PACRG: variants seen among roughly 807,000 people sequenced by gnomAD.
PACRG encodes the protein parkin coregulated.
In PACRG, 29 loss-of-function variants were observed where a neutral mutation model predicts 29.7. The ratio of observed to expected loss-of-function variants is 0.98; its 90% confidence interval spans 0.73 to 1.33. The LOEUF is 1.33. Among genes scored for constraint, PACRG ranks in the 40% most tolerant of loss-of-function variants. The probability of loss-of-function intolerance (pLI) is 0.00; values close to 1 mark genes in which losing one functional copy is unlikely to be tolerated. For missense variants in PACRG, 279 were observed against 316.2 expected (o/e 0.88, Z 0.89); for synonymous variants, 116 against 118.7 (o/e 0.98, Z 0.15).
At chr6:162,903,881 T>G (rs1428021906) in intron 2 of PACRG, among the ~76,000 whole-genome samples, 1 of 152,174 alleles carries the variant, frequency 6.6e-6, no homozygotes, top group Non-Finnish European at 1.5e-5. Flanking sequence ...GTTGGGACAT[T>G]CCAGAGAAAC....
chr6:162,740,409 C>G (rs554837962), intron 1 of PACRG, among the ~76,000 whole-genome samples: 1 of 151,078 alleles, frequency 6.6e-6, no homozygotes, highest in Admixed American at 6.6e-5. Context: ...CTTCCGGGTT[C>G]ACGCCATTAT....
chr6:163,061,497 C>T (rs761235135), intron 2 of PACRG, among the ~76,000 whole-genome samples: 16 of 152,108 alleles, frequency 1.1e-4, no homozygotes, highest in South Asian at 4.2e-4. Flanking sequence ...GTCTCCGCTC[C>T]CAGAAGAAGC....
intron 4 of PACRG, among the ~76,000 whole-genome samples, chr6:163,284,704 G>A (rs1332095497): frequency 2.7e-5 from 4 of 149,998 alleles, no homozygotes; most frequent in South Asian, 2.2e-4. Flanking sequence ...CCCAACCCCC[G>A]CTCCCCGCCT....
chr6:163,116,975 A>C (rs1024414822), intron 4 of PACRG, among the ~76,000 whole-genome samples: 2 of 152,126 alleles, frequency 1.3e-5, no homozygotes, highest in African/African-American at 4.8e-5. Context: ...CAGGCTCTCC[A>C]TGCCTGTCCC....
intron 1 of PACRG, among the ~76,000 whole-genome samples, chr6:162,784,581 AAGAC>A (rs1234987348): frequency 1.3e-5 from 2 of 152,150 alleles, no homozygotes; most frequent in African/African-American, 2.4e-5. Context: ...CTGTTTTTCT[AAGAC>A]AGAAATGCAG....
In PACRG at chr6:163,203,040, G is replaced by A. The variant is rs112929211; in HGVS notation, c.614-111787G>A. Among the ~76,000 whole-genome samples, 361 of 152,242 alleles carry A rather than the reference G, an allele frequency of 2.4e-3. 3 individuals carry two copies. The highest frequency in any genetic ancestry group is 6.8e-3 in the Middle Eastern group (2 of 294). ...CTGCTTGCCACAGCTGCTAGTCAGG[G>A]AATAGGTACATCGGGCCGTTCCTCA... On this transcript the variant is annotated intron_variant, in intron 4 of 4. Transcript: ENST00000366888.
chr6:163,257,702 T>C (rs1379263148), intron 4 of PACRG, among the ~76,000 whole-genome samples: 1 of 152,236 alleles, frequency 6.6e-6, no homozygotes, highest in East Asian at 1.9e-4. Flanking sequence ...AACAGATAGA[T>C]TGATTGATGT....
intron 1 of PACRG, among the ~76,000 whole-genome samples, chr6:162,737,932 A>G (rs1780290082): frequency 1.3e-5 from 2 of 152,106 alleles, no homozygotes; most frequent in South Asian, 2.1e-4. Flanking sequence ...ACTGAATTGC[A>G]TGTATTTTAT....
intron 4 of PACRG, among the ~76,000 whole-genome samples, chr6:163,292,592 T>A (rs1490318504): frequency 6.8e-6 from 1 of 147,322 alleles, no homozygotes; most frequent in Non-Finnish European, 1.5e-5. Context: ...ATTTATTTAT[T>A]TATTTATTTA....
chr6:163,127,417 C>A (rs976289337), intron 4 of PACRG, among the ~76,000 whole-genome samples: 2 of 152,186 alleles, frequency 1.3e-5, no homozygotes, highest in Non-Finnish European at 2.9e-5. Flanking sequence ...GGAGAGAGAA[C>A]AAGCTGTAGC....
chr6:162,820,578 G>T (rs189376529), intron 2 of PACRG, among the ~76,000 whole-genome samples: 1 of 152,044 alleles, frequency 6.6e-6, no homozygotes, highest in Non-Finnish European at 1.5e-5. Context: ...ACAAGATTCC[G>T]TAATTTTGAG....
chr6:162,781,491 T>C (rs1784087506), intron 1 of PACRG, among the ~76,000 whole-genome samples: 2 of 152,066 alleles, frequency 1.3e-5, no homozygotes, highest in South Asian at 2.1e-4. Flanking sequence ...ATTTTTCTTA[T>C]TATTTTAATA....
intron 2 of PACRG, among the ~76,000 whole-genome samples, chr6:162,988,591 G>T (rs540809568): frequency 6.6e-6 from 1 of 152,286 alleles, no homozygotes; most frequent in African/African-American, 2.4e-5. Context: ...AGAATCGTTG[G>T]AAATTGGTAA....
At chr6:162,891,031 A>G (rs1220967118) in intron 2 of PACRG, among the ~76,000 whole-genome samples, 1 of 152,166 alleles carries the variant, frequency 6.6e-6, no homozygotes, top group Non-Finnish European at 1.5e-5. Flanking sequence ...TGCCTGCTCC[A>G]GGAAAGCCTT....
intron 4 of PACRG, among the ~76,000 whole-genome samples, chr6:163,125,707 T>G (rs1816487186): frequency 6.6e-6 from 1 of 152,222 alleles, no homozygotes; most frequent in South Asian, 2.1e-4. Flanking sequence ...GACATTCTTG[T>G]TAACAGTTGA....
At chr6:162,965,387 TCAGGATC>T (rs1406974677) in intron 2 of PACRG, among the ~76,000 whole-genome samples, 4 of 152,184 alleles carry the variant, frequency 2.6e-5, no homozygotes, top group Non-Finnish European at 4.4e-5. Context: ...TTCTCATAGC[TCAGGATC>T]TGGGAAGTCC....
intron 1 of PACRG, among the ~76,000 whole-genome samples, chr6:162,738,488 T>C (rs1041842872): frequency 2.0e-5 from 3 of 152,094 alleles, no homozygotes; most frequent in African/African-American, 7.2e-5. Flanking sequence ...TGACACAGAG[T>C]AATAGTGTCA....
At chr6:162,759,446 A>G (rs574485313) in intron 1 of PACRG, among the ~76,000 whole-genome samples, 19 of 152,366 alleles carry the variant, frequency 1.2e-4, no homozygotes, top group African/African-American at 4.3e-4. Flanking sequence ...CATTGAGAAA[A>G]TAAGCAGTAA....
intron 2 of PACRG, among the ~76,000 whole-genome samples, chr6:162,942,886 G>C (rs1405151863): frequency 6.6e-6 from 1 of 152,170 alleles, no homozygotes; most frequent in Non-Finnish European, 1.5e-5. Context: ...ACTTTGAATA[G>C]ATTATCTAAG....
Sources: gnomAD v4.1 joint callset for allele counts (sites outside exome capture counted in the v4.1 genomes callset) on GRCh38, gnomAD v4.1.1 for gene constraint, MANE v1.5 for transcripts, NCBI Gene and HGNC (gene_info 2026-07-23, HGNC 2026-07-21) for gene names.